CEP350: variants seen among roughly 807,000 people sequenced by gnomAD.
CEP350 encodes the protein centrosomal protein 350, also known as centrosome-associated protein 350.
Under a neutral mutation model 331.8 loss-of-function variants are expected in CEP350, and 126 were observed. The observed-to-expected ratio is 0.38, with a 90% CI of 0.33 to 0.44. CEP350 has a LOEUF of 0.44. Among genes scored for constraint, CEP350 ranks in the 20% least tolerant of loss-of-function variants. The probability of loss-of-function intolerance (pLI) is 1.00; values close to 1 mark genes in which losing one functional copy is unlikely to be tolerated. For synonymous variants in CEP350, 1,200 were observed against 1,259.5 expected, an observed-to-expected ratio of 0.95 and a Z score of 1.00; for missense variants, 3,406 against 3,634.6, an observed-to-expected ratio of 0.94 and a Z score of 1.62.
intron 27 of CEP350, chr1:180,073,896 A>G: frequency 7.7e-7 from 1 of 1,304,672 alleles, no homozygotes; most frequent in Non-Finnish European, 1.0e-6. Flanking sequence ...TATATCTACA[A>G]CCAGTTGGTC....
chr1:179,963,725 G>A (rs1356434696), intron 1 of CEP350, among the ~76,000 whole-genome samples: 1 of 152,072 alleles, frequency 6.6e-6, no homozygotes, highest in African/African-American at 2.4e-5. Flanking sequence ...GTAACATGCT[G>A]TTTTGGTTAG....
At chr1:180,104,507 G>A (rs1235163094) in intron 37 of CEP350, among the ~76,000 whole-genome samples, 2 of 152,032 alleles carry the variant, frequency 1.3e-5, no homozygotes, top group Non-Finnish European at 2.9e-5. Context: ...TTCTCTCATG[G>A]GGATTCTTTT....
intron 4 of CEP350, 87 bp downstream of exon 4, chr1:179,990,708 C>T: frequency 3.2e-6 from 2 of 617,112 alleles, no homozygotes; most frequent in Non-Finnish European, 5.5e-6. Flanking sequence ...GGGTGTGCCA[C>T]CACACCTGGC....
At chr1:180,031,749 G>A (rs4278337) in intron 15 of CEP350, among the ~76,000 whole-genome samples, 21,368 of 151,874 alleles carry the variant, frequency 0.14, 1,591 homozygotes, top group African/African-American at 0.17. Flanking sequence ...CTCTAGCACA[G>A]CCCAGTTTTC....
At chr1:180,051,362 TTATAA>T (rs1295296537) in intron 22 of CEP350, among the ~76,000 whole-genome samples, 1 of 152,192 alleles carries the variant, frequency 6.6e-6, no homozygotes, top group African/African-American at 2.4e-5. Flanking sequence ...AGTCTGTGTA[TTATAA>T]TATGATTCAA....
intron 8 of CEP350, among the ~76,000 whole-genome samples, chr1:180,009,651 T>C (rs1169455782): frequency 6.6e-6 from 1 of 152,184 alleles, no homozygotes; most frequent in Non-Finnish European, 1.5e-5. Flanking sequence ...ATCCAGTGTA[T>C]TCATGGTTGC....
At chr1:180,086,531 T>G (rs899167793) in intron 31 of CEP350, among the ~76,000 whole-genome samples, 3 of 92,710 alleles carry the variant, frequency 3.2e-5, no homozygotes, top group East Asian at 3.1e-4. Context: ...TTACAGTATA[T>G]GAGATATGCA....
intron 9 of CEP350, among the ~76,000 whole-genome samples, chr1:180,013,558 A>G (rs902517043): frequency 3.3e-5 from 5 of 152,172 alleles, no homozygotes; most frequent in African/African-American, 1.2e-4. Flanking sequence ...TCGAAATGCT[A>G]AATATTCATA....
Position 180,111,042 on chromosome 1 carries a change from G to A in CEP350, c.9235G>A (p.Glu3079Lys), listed in dbSNP as rs748956743. 2.5e-6 allele frequency: 4 copies of A among 1,614,008 alleles called. No individual in the cohort carries two copies. Among genetic ancestry groups the A allele is most frequent in the South Asian group, 1.1e-5 (1 of 91,082 alleles). ...GGAGGCACAGTGGGTGAACTATGATGAGGATGAGTTGTGTGTGAAAATGCA... is the reference window on the plus strand; with the variant it reads ...GGAGGCACAGTGGGTGAACTATGATAAGGATGAGTTGTGTGTGAAAATGCA... Reference protein sequence around the residue: ...EEEAQWVNYDEDELCVKMQLA... With the variant: ...EEEAQWVNYDKDELCVKMQLA... Residue 3079 changes from glutamate to lysine, a missense_variant, in exon 38 of 38, where the codon GAG (glutamate) becomes AAG (lysine). Around this residue, in one of 5 missense-constraint regions of CEP350, gnomAD observed 29 missense variants for 52.8 expected, o/e 0.55. Coordinates refer to ENST00000367607, the MANE Select transcript of CEP350 (RefSeq NM_014810.5).
chr1:180,036,536 C>T (rs1187798654), intron 16 of CEP350, among the ~76,000 whole-genome samples: 1 of 152,150 alleles, frequency 6.6e-6, no homozygotes, highest in African/African-American at 2.4e-5. Context: ...CATTGAGGTA[C>T]GACCTTCCAC....
intron 1 of CEP350, among the ~76,000 whole-genome samples, chr1:179,985,740 A>C (rs1169801150): frequency 7.1e-6 from 1 of 141,144 alleles, no homozygotes; most frequent in Non-Finnish European, 1.6e-5. Context: ...ACTTATTATC[A>C]TGAGAACAGC....
At chr1:180,032,164 T>C (rs915991565) in intron 15 of CEP350, among the ~76,000 whole-genome samples, 5 of 152,140 alleles carry the variant, frequency 3.3e-5, no homozygotes, top group Non-Finnish European at 5.9e-5. Context: ...TGTTGCTAGC[T>C]ATACAGTTCC....
intron 20 of CEP350, 37 bp downstream of exon 20, chr1:180,043,229 G>A (rs759501110): frequency 1.9e-6 from 3 of 1,564,646 alleles, no homozygotes; most frequent in Non-Finnish European, 1.7e-6. Context: ...TATAATGACT[G>A]TCTGTTAGGT....
chr1:179,975,515 A>T (rs1651792244), intron 1 of CEP350, among the ~76,000 whole-genome samples: 1 of 152,148 alleles, frequency 6.6e-6, no homozygotes, highest in South Asian at 2.1e-4. Flanking sequence ...AAAGAAAGAA[A>T]TTAGAGAAAC....
chr1:179,986,403 C>G lies in CEP350; in HGVS notation c.73+149C>G, dbSNP rs1652648596. 9.0e-6 allele frequency: 5 copies of G among 556,240 alleles called. No homozygotes were observed. The East Asian group carries it at 1.5e-4, about 17-fold the overall frequency. 34.5% of individuals were successfully genotyped at this position (556,240 alleles called of 1,614,324 possible). A position where few individuals can be genotyped will look rare whatever the true frequency, so the allele number is the denominator to read the frequency against. ...AAATTCTCTTATATTTTAAATATAC[C>G]TGGTGCTTCATGTTAAAAGGCATCC... On this transcript the variant is annotated intron_variant, in intron 2 of 37. Coordinates refer to ENST00000367607, the MANE Select transcript of CEP350 (RefSeq NM_014810.5).
intron 23 of CEP350, 86 bp from the exon 24 acceptor site, chr1:180,053,664 G>C: frequency 1.3e-6 from 1 of 751,738 alleles, no homozygotes; most frequent in South Asian, 3.6e-5. Flanking sequence ...TACATAGTTT[G>C]TTTTTGTAAA....
At chr1:180,059,025 C>T (rs2148994938) in intron 25 of CEP350, among the ~76,000 whole-genome samples, 1 of 152,240 alleles carries the variant, frequency 6.6e-6, no homozygotes, top group Middle Eastern at 3.4e-3. Context: ...CACCATTCAC[C>T]ATTTTAAAGT....
intron 30 of CEP350, 80 bp from the exon 31 acceptor site, chr1:180,083,938 A>G: frequency 1.5e-6 from 1 of 655,460 alleles, no homozygotes; most frequent in Non-Finnish European, 2.5e-6. Context: ...ATATTACATT[A>G]CAGCTTTTTA....
In CEP350 at chr1:180,032,573, G is replaced by C. The variant is rs115963378; in HGVS notation, c.3725+1079G>C. Among the ~76,000 whole-genome samples the C allele has an allele frequency of 4.9e-3, 740 of 151,392 alleles. 4 individuals carry two copies. The highest frequency in any genetic ancestry group is 0.017 in the African/African-American group (720 of 41,350). On this transcript the variant is annotated intron_variant, in intron 15 of 37. Transcript: ENST00000367607. Reference sequence around the variant, plus strand: ...TTCCCTACCCATGGAGATTCACAGAGATAAAATAATTTGAGGCTTTGATAA... The same window carrying C: ...TTCCCTACCCATGGAGATTCACAGACATAAAATAATTTGAGGCTTTGATAA...
Sources: gnomAD v4.1 joint callset for allele counts (sites outside exome capture counted in the v4.1 genomes callset) on GRCh38, gnomAD v4.1.1 for gene constraint, gnomAD v4.1.1 regional missense constraint, MANE v1.5 for transcripts, NCBI Gene and HGNC (gene_info 2026-07-23, HGNC 2026-07-21) for gene names.